The following LEMD2 variants were observed in gnomAD, a reference collection of about 807,000 sequenced individuals.
The protein encoded by LEMD2 is LEM domain nuclear envelope protein 2.
Under a neutral mutation model 58.8 loss-of-function variants are expected in LEMD2, and 34 were observed. That is an observed-to-expected ratio of 0.58 (90% CI 0.44 to 0.77). LEMD2 has a LOEUF of 0.77. Among genes scored for constraint, LEMD2 ranks in the 30% least tolerant of loss-of-function variants. The probability of loss-of-function intolerance (pLI) is 0.00; values close to 1 mark genes in which losing one functional copy is unlikely to be tolerated. For missense variants in LEMD2, 629 were observed against 717.9 expected (o/e 0.88, Z 1.42); for synonymous variants, 298 against 308.9 (o/e 0.96, Z 0.37).
chr6:33,786,082 T>G (rs1273156698), intron 2 of LEMD2, among the ~76,000 whole-genome samples: 3 of 152,132 alleles, frequency 2.0e-5, no homozygotes, highest in African/African-American at 2.4e-5. Flanking sequence ...AGCACAAGAC[T>G]CCTCCTGGTA....
chr6:33,783,276 C>T lies in LEMD2; in HGVS notation c.853+1076G>A, dbSNP rs144552020. ...TGAGCAGGAGCCCCAGTACCTGTTT[C>T]TCCTCCAAGTGCTCATGGATGCCTC... On this transcript the variant is annotated intron_variant, in intron 3 of 8. Transcript: ENST00000293760. Among the ~76,000 whole-genome samples the T allele has an allele frequency of 6.1e-3, 935 of 152,306 alleles. 11 individuals carry two copies. The highest frequency in any genetic ancestry group is 0.019 in the African/African-American group (783 of 41,564).
rs1479824579 is a variant in LEMD2, at chr6:33,771,448, G to A, written c.*1180C>T. The A allele has an allele frequency of 6.6e-6, 1 of 152,272 alleles. No individual in the cohort carries two copies. The highest frequency in any genetic ancestry group is 6.5e-5 in the Admixed American group (1 of 15,292). 9.4% of individuals were successfully genotyped at this position (152,272 alleles called of 1,614,324 possible). ...GAAACAAAAAATACCAGTAAGACTA[G>A]AGAGGGGTGGTTAATGTTTCTGGAG... is the stretch of plus-strand genomic sequence containing the variant. On this transcript the variant is annotated 3_prime_UTR_variant, in exon 9 of 9. Coordinates refer to ENST00000293760, the MANE Select transcript of LEMD2 (RefSeq NM_181336.4).
chr6:33,773,600 G>GCA (rs1554148356), intron 8 of LEMD2, among the ~76,000 whole-genome samples: 1 of 151,276 alleles, frequency 6.6e-6, no homozygotes, highest in Non-Finnish European at 1.5e-5. Flanking sequence ...GAGGCGGGGG[G>GCA]GGGGCTAGGG....
chr6:33,780,403 A>G, intron 4 of LEMD2: 1 of 570,566 alleles, frequency 1.8e-6, no homozygotes, highest in South Asian at 1.9e-5. Context: ...GCAGGAAAAC[A>G]GTGCGGGTCT....
intron 8 of LEMD2, among the ~76,000 whole-genome samples, chr6:33,773,781 C>T (rs1767363413): frequency 6.6e-6 from 1 of 152,232 alleles, no homozygotes; most frequent in African/African-American, 2.4e-5. Context: ...CACTCCAGCC[C>T]CTCCTTCCCA....
chr6:33,784,114 C>T (rs1042645149), intron 3 of LEMD2, among the ~76,000 whole-genome samples: 2 of 152,224 alleles, frequency 1.3e-5, no homozygotes, highest in African/African-American at 4.8e-5. Flanking sequence ...TGTTCACATG[C>T]CAGGACCTCC....
chr6:33,773,898 C>T lies in LEMD2; in HGVS notation c.1362-1120G>A, dbSNP rs1031870433. On this transcript the variant is annotated intron_variant, in intron 8 of 8. Coordinates refer to ENST00000293760, the MANE Select transcript of LEMD2 (RefSeq NM_181336.4). Reference sequence around the variant, plus strand: ...CCTGACGTGGGGAGCTTGGCCTGGACTGACTGGGTGGCTTGGGAGGTAAGT... The same window carrying T: ...CCTGACGTGGGGAGCTTGGCCTGGATTGACTGGGTGGCTTGGGAGGTAAGT... Among the ~76,000 whole-genome samples the T allele has an allele frequency of 5.3e-5, 8 of 152,322 alleles. No individual in the cohort carries two copies. In the East Asian group the frequency reaches 1.5e-3, roughly 29 times the overall value.
chr6:33,773,705 G>T (rs1273696814), intron 8 of LEMD2, among the ~76,000 whole-genome samples: 1 of 152,156 alleles, frequency 6.6e-6, no homozygotes, highest in East Asian at 1.9e-4. Context: ...CACATTCCCT[G>T]GGGACTGAGC....
chr6:33,786,499 GAA>G (rs765466085), intron 2 of LEMD2, among the ~76,000 whole-genome samples: 2 of 152,200 alleles, frequency 1.3e-5, no homozygotes, highest in Non-Finnish European at 2.9e-5. Context: ...CATTTGATGG[GAA>G]AGTGTCCATA....
chr6:33,784,922 T>C (rs1379006493), intron 2 of LEMD2, among the ~76,000 whole-genome samples: 1 of 152,028 alleles, frequency 6.6e-6, no homozygotes, highest in Non-Finnish European at 1.5e-5. Context: ...CTCATCTGAG[T>C]AAGGATTGTG....
intron 8 of LEMD2, among the ~76,000 whole-genome samples, chr6:33,773,592 G>GGT (rs1318577359): frequency 8.5e-5 from 7 of 82,402 alleles, no homozygotes; most frequent in South Asian, 5.1e-4. Flanking sequence ...TGAGTCAGGA[G>GGT]GCGGGGGGGG....
intron 8 of LEMD2, among the ~76,000 whole-genome samples, chr6:33,773,530 TGTGA>T (rs1299248398): frequency 3.3e-5 from 5 of 151,012 alleles, no homozygotes; most frequent in African/African-American, 4.9e-5. Flanking sequence ...AGACAGTGAC[TGTGA>T]GTGTGTACGC....
At chr6:33,780,300 G>T in intron 4 of LEMD2, 121 bp from the exon 5 acceptor site, 1 of 855,812 alleles carries the variant, frequency 1.2e-6, no homozygotes, top group Non-Finnish European at 1.9e-6. Context: ...ACCCTGTTCT[G>T]CTAAAAGCAC....
intron 8 of LEMD2, among the ~76,000 whole-genome samples, chr6:33,774,826 A>G (rs1188702596): frequency 6.6e-6 from 1 of 152,124 alleles, no homozygotes; most frequent in African/African-American, 2.4e-5. Context: ...TCTTTTCCTT[A>G]TGCATCTTGT....
intron 8 of LEMD2, among the ~76,000 whole-genome samples, chr6:33,774,958 T>C (rs1767394605): frequency 1.4e-5 from 2 of 141,912 alleles, no homozygotes; most frequent in Admixed American, 1.5e-4. Flanking sequence ...TCAATAAACA[T>C]TTGTGGAGGA....
chr6:33,773,586 T>C (rs1254504603), intron 8 of LEMD2, among the ~76,000 whole-genome samples: 1 of 86,572 alleles, frequency 1.2e-5, no homozygotes, highest in East Asian at 4.9e-4. Context: ...GGCCAGTGAG[T>C]CAGGAGGCGG....
intron 8 of LEMD2, 44 bp from the exon 9 acceptor site, chr6:33,772,822 A>G: frequency 6.4e-7 from 1 of 1,573,044 alleles, no homozygotes; most frequent in Non-Finnish European, 8.7e-7. Flanking sequence ...TGCCGAGGTG[A>G]GCCAGCCTGT....
At chr6:33,780,658 C>T (rs1247048441) in intron 4 of LEMD2, among the ~76,000 whole-genome samples, 2 of 152,174 alleles carry the variant, frequency 1.3e-5, no homozygotes, top group Non-Finnish European at 2.9e-5. Flanking sequence ...ACCTGGAATA[C>T]CAGCTCCATA....
In LEMD2 at chr6:33,772,451, A is replaced by G; in HGVS notation, c.*177T>C. 1.8e-6 allele frequency: 1 copy of G among 565,296 alleles called. No individual in the cohort carries two copies. Among genetic ancestry groups the G allele is most frequent in the Non-Finnish European group, 3.0e-6 (1 of 330,564 alleles). 35.0% of individuals were successfully genotyped at this position (565,296 alleles called of 1,614,324 possible). Reference sequence around the variant, plus strand: ...CCCCCTCCCTTTAAAGGAAGCCCACATTTTCCTGCGAGCCGAACTCCTCTG... The same window carrying G: ...CCCCCTCCCTTTAAAGGAAGCCCACGTTTTCCTGCGAGCCGAACTCCTCTG... On this transcript the variant is annotated 3_prime_UTR_variant, in exon 9 of 9. Coordinates refer to ENST00000293760, the MANE Select transcript of LEMD2 (RefSeq NM_181336.4).
Sources: allele counts gnomAD v4.1 joint callset (sites outside exome capture counted in the v4.1 genomes callset), GRCh38; gene constraint gnomAD v4.1.1; transcripts MANE v1.5; gene names NCBI Gene and HGNC (gene_info 2026-07-23, HGNC 2026-07-21).